CCDC148: variants seen among roughly 807,000 people sequenced by gnomAD.
CCDC148 encodes the protein coiled-coil domain containing 148.
CCDC148 carries 89 observed loss-of-function variants against 85.7 expected under a neutral mutation model. The ratio of observed to expected loss-of-function variants is 1.04; its 90% CI spans 0.87 to 1.24. The LOEUF is 1.24. Among genes scored for constraint, CCDC148 ranks in the 50% most tolerant of loss-of-function variants. CCDC148 has a pLI of 0.00. For synonymous variants in CCDC148, 230 were observed against 213.9 expected (o/e 1.08, Z -0.66); for missense variants, 692 against 671.7 (o/e 1.03, Z -0.33).
intron 2 of CCDC148, among the ~76,000 whole-genome samples, chr2:158,350,960 A>C (rs1683236072): frequency 6.6e-6 from 1 of 152,030 alleles, no homozygotes; most frequent in African/African-American, 2.4e-5. Context: ...TCCTCACCCT[A>C]CTGTGCAATA....
intron 10 of CCDC148, among the ~76,000 whole-genome samples, chr2:158,232,865 G>A: frequency 6.6e-6 from 1 of 152,056 alleles, no homozygotes; most frequent in Non-Finnish European, 1.5e-5. Context: ...GGCTGGGAAG[G>A]GTAAGGGGCA....
At chr2:158,200,132 G>A (rs1318011397) in intron 11 of CCDC148, among the ~76,000 whole-genome samples, 1 of 152,166 alleles carries the variant, frequency 6.6e-6, no homozygotes, top group East Asian at 1.9e-4. Context: ...GTTTGGTGGT[G>A]CATGTTTAAA....
intron 1 of CCDC148, among the ~76,000 whole-genome samples, chr2:158,415,998 T>A (rs1227637228): frequency 1.3e-5 from 2 of 152,204 alleles, no homozygotes; most frequent in Non-Finnish European, 2.9e-5. Flanking sequence ...TTTCCATAGA[T>A]CCTCTGAAAT....
intron 7 of CCDC148, among the ~76,000 whole-genome samples, chr2:158,333,793 C>A (rs1031778422): frequency 6.6e-6 from 1 of 152,074 alleles, no homozygotes; most frequent in Admixed American, 6.6e-5. Context: ...TTCTGTGGAT[C>A]TGCTTGGCTA....
intron 7 of CCDC148, among the ~76,000 whole-genome samples, chr2:158,333,162 C>T (rs1406156148): frequency 1.3e-5 from 2 of 152,112 alleles, no homozygotes; most frequent in Non-Finnish European, 1.5e-5. Flanking sequence ...GCATTTAGTG[C>T]TATAAATTTC....
chr2:158,232,139 A>G (rs572418260), intron 10 of CCDC148, among the ~76,000 whole-genome samples: 1 of 152,298 alleles, frequency 6.6e-6, no homozygotes, highest in African/African-American at 2.4e-5. Flanking sequence ...TTACAGAAAA[A>G]CAAAAGAAGC....
chr2:158,259,006 C>T (rs1457048805), intron 9 of CCDC148, among the ~76,000 whole-genome samples: 1 of 151,812 alleles, frequency 6.6e-6, no homozygotes, highest in Admixed American at 6.6e-5. Flanking sequence ...CCAATTTACC[C>T]TCTGTGTTCC....
intron 1 of CCDC148, among the ~76,000 whole-genome samples, chr2:158,417,775 T>C (rs1029779012): frequency 1.3e-5 from 2 of 152,198 alleles, no homozygotes; most frequent in African/African-American, 4.8e-5. Context: ...CACAGGTGTG[T>C]AAAACATTGT....
At chr2:158,427,704 TA>T (rs1256059798) in intron 1 of CCDC148, among the ~76,000 whole-genome samples, 3 of 151,622 alleles carry the variant, frequency 2.0e-5, no homozygotes, top group Non-Finnish European at 2.9e-5. Flanking sequence ...ACCCCATCTC[TA>T]AAAAAAACAC....
rs376509275 is a variant in CCDC148, at chr2:158,319,017, C to T, written c.765-5123G>A. Among the ~76,000 whole-genome samples the T allele has an allele frequency of 5.9e-5, 9 of 152,154 alleles. No individual in the cohort carries two copies. The South Asian group carries it at 6.2e-4, about 11-fold the overall frequency. On this transcript the variant is annotated intron_variant, in intron 7 of 13. Transcript: ENST00000283233. The stretch of plus-strand genomic sequence containing the variant: ...CTGAGCTCAAGCAATCCTCCCACCT[C>T]GGCCTCCCAAAGTGCTGGAATTACA...
At chr2:158,293,519 G>T (rs1031919477) in intron 9 of CCDC148, among the ~76,000 whole-genome samples, 1 of 152,164 alleles carries the variant, frequency 6.6e-6, no homozygotes, top group Non-Finnish European at 1.5e-5. Flanking sequence ...TAGAGTAGAT[G>T]GAGACTAAGA....
intron 10 of CCDC148, among the ~76,000 whole-genome samples, chr2:158,229,808 A>G (rs1687760595): frequency 6.6e-6 from 1 of 152,124 alleles, no homozygotes; most frequent in African/African-American, 2.4e-5. Flanking sequence ...CTCACATGGA[A>G]TTAAACATAA....
intron 1 of CCDC148, among the ~76,000 whole-genome samples, chr2:158,444,016 G>C (rs1437635876): frequency 1.3e-5 from 2 of 152,144 alleles, no homozygotes; most frequent in African/African-American, 4.8e-5. Context: ...AATACGTCAG[G>C]CTATCACTTT....
intron 9 of CCDC148, among the ~76,000 whole-genome samples, 167 bp downstream of exon 9, chr2:158,309,266 T>A (rs1328360103): frequency 6.6e-6 from 1 of 152,370 alleles, no homozygotes; most frequent in South Asian, 2.1e-4. Context: ...TTATTGACTG[T>A]ATTTGACCTA....
chr2:158,263,270 A>G (rs1330367903), intron 9 of CCDC148, among the ~76,000 whole-genome samples: 1 of 152,102 alleles, frequency 6.6e-6, no homozygotes, highest in Non-Finnish European at 1.5e-5. Flanking sequence ...ATGTATGTGT[A>G]TAATTTTCTG....
At chr2:158,264,586 G>T (rs1689374883) in intron 9 of CCDC148, among the ~76,000 whole-genome samples, 1 of 151,990 alleles carries the variant, frequency 6.6e-6, no homozygotes, top group African/African-American at 2.4e-5. Flanking sequence ...AGATCTTCAA[G>T]ACAGAAAAAG....
At chr2:158,424,518 G>A (rs577594181) in intron 1 of CCDC148, among the ~76,000 whole-genome samples, 10 of 152,036 alleles carry the variant, frequency 6.6e-5, no homozygotes, top group Non-Finnish European at 1.5e-5. Flanking sequence ...ATTGAACAAT[G>A]AGAACACTTG....
intron 10 of CCDC148, among the ~76,000 whole-genome samples, chr2:158,244,634 T>G (rs184759796): frequency 2.0e-5 from 3 of 152,222 alleles, no homozygotes; most frequent in Admixed American, 2.0e-4. Context: ...ATGTTTCAAA[T>G]CTCTTACCAC....
intron 9 of CCDC148, among the ~76,000 whole-genome samples, chr2:158,282,261 T>A (rs1227192101): frequency 1.3e-5 from 2 of 152,074 alleles, no homozygotes; most frequent in Non-Finnish European, 2.9e-5. Flanking sequence ...GAACATAGTG[T>A]TGGAAGTTCT....
Sources: allele counts gnomAD v4.1 joint callset (sites outside exome capture counted in the v4.1 genomes callset), GRCh38; gene constraint gnomAD v4.1.1; transcripts MANE v1.5; gene names NCBI Gene and HGNC (gene_info 2026-07-23, HGNC 2026-07-21).